TTC28: variants seen among roughly 807,000 people sequenced by gnomAD.
The protein encoded by TTC28 is tetratricopeptide repeat domain 28, also known as tetratricopeptide repeat protein 28.
A neutral mutation model predicts 198.0 loss-of-function variants in TTC28; 61 were observed. The observed-to-expected ratio is 0.31, with a 90% CI of 0.25 to 0.38. The LOEUF is 0.38. TTC28 is among the 10% of genes least tolerant of loss of function. TTC28 has a pLI of 1.00. For synonymous variants in TTC28, 1,171 were observed against 1,297.8 expected, an observed-to-expected ratio of 0.90 and a Z score of 2.10; for missense variants, 2,678 against 3,164.0, an observed-to-expected ratio of 0.85 and a Z score of 3.69.
chr22:28,223,742 T>C (rs1928063091), intron 5 of TTC28, among the ~76,000 whole-genome samples: 1 of 152,212 alleles, frequency 6.6e-6, no homozygotes. Context: ...ATTTTTCCAC[T>C]ATATCTCAAA....
intron 2 of TTC28, among the ~76,000 whole-genome samples, chr22:28,622,206 G>C (rs2051011268): frequency 6.6e-6 from 1 of 152,138 alleles, no homozygotes; most frequent in South Asian, 2.1e-4. Context: ...TGAGGAACTA[G>C]AACACTGAAG....
intron 2 of TTC28, among the ~76,000 whole-genome samples, chr22:28,555,833 T>TG (rs2062723730): frequency 6.6e-6 from 1 of 152,198 alleles, no homozygotes; most frequent in South Asian, 2.1e-4. Context: ...AAAAACCTAT[T>TG]GAAATAAATT....
At chr22:28,256,972 T>C (rs1230884426) in intron 5 of TTC28, among the ~76,000 whole-genome samples, 2 of 152,168 alleles carry the variant, frequency 1.3e-5, no homozygotes, top group African/African-American at 4.8e-5. Flanking sequence ...CTCAGGAGTT[T>C]GAGGTTACAG....
Position 28,217,824 on chromosome 22 carries a change from A to G in TTC28, c.934-54225T>C, listed in dbSNP as rs1050930183. The stretch of plus-strand genomic sequence containing the variant: ...TATTTGTTAACCCATTAGAATTACA[A>G]ATCCTTTACATGCTAATATAAATAA... On this transcript the variant is annotated intron_variant, in intron 5 of 22. Transcript: ENST00000397906. 9.9e-5 allele frequency among the ~76,000 whole-genome samples: 15 copies of G among 152,226 alleles called. 1 individual carries two copies. The highest frequency in any genetic ancestry group is 3.4e-4 in the African/African-American group (14 of 41,470).
chr22:28,226,170 G>T (rs1928327402), intron 5 of TTC28, among the ~76,000 whole-genome samples: 2 of 152,172 alleles, frequency 1.3e-5, no homozygotes, highest in East Asian at 1.9e-4. Context: ...GAGTGAAACG[G>T]TTCGGTCATA....
chr22:28,535,577 T>TA (rs2049249222), intron 2 of TTC28, among the ~76,000 whole-genome samples: 1 of 152,202 alleles, frequency 6.6e-6, no homozygotes, highest in African/African-American at 2.4e-5. Context: ...ATTCTATTGT[T>TA]AATGGGTCAT....
Position 28,094,170 on chromosome 22 carries a change from C to T in TTC28, c.3842G>A (p.Ser1281Asn). The change falls in exon 12 of 23, where the codon AGT (serine) becomes AAT (asparagine). Residue 1281 changes from serine to asparagine, a missense_variant. Transcript: ENST00000397906. ...GCCGGTTGCTGTTGGAAGGGTTACA[C>T]TGCTGCTGGCCTGGAAGTCACTTGA... Reference protein sequence around the residue: ...ENSSDFQASSSVTLPTATGSA... With the variant: ...ENSSDFQASSNVTLPTATGSA... 1 of 1,551,670 alleles carries T rather than the reference C, an allele frequency of 6.4e-7. No homozygotes were observed. Among genetic ancestry groups the T allele is most frequent in the East Asian group, 2.4e-5 (1 of 40,924 alleles).
intron 2 of TTC28, among the ~76,000 whole-genome samples, chr22:28,525,252 A>C (rs2048984833): frequency 6.6e-6 from 1 of 152,108 alleles, no homozygotes; most frequent in South Asian, 2.1e-4. Flanking sequence ...TCCCAGGTTC[A>C]ACTAATCCTC....
At chr22:28,115,161 T>C in intron 6 of TTC28, among the ~76,000 whole-genome samples, 1 of 152,140 alleles carries the variant, frequency 6.6e-6, no homozygotes, top group East Asian at 1.9e-4. Context: ...CATGCTTTTT[T>C]TATTTTTTAA....
intron 14 of TTC28, 151 bp downstream of exon 14, chr22:28,014,097 T>G: frequency 4.0e-6 from 4 of 993,364 alleles, no homozygotes; most frequent in Non-Finnish European, 5.6e-6. Context: ...AAATGCTCAC[T>G]GAGAAGCTGG....
At chr22:28,027,111 C>A (rs376033540) in intron 13 of TTC28, among the ~76,000 whole-genome samples, 1 of 152,208 alleles carries the variant, frequency 6.6e-6, no homozygotes. Flanking sequence ...CACAAACACA[C>A]ACACACAAAT....
intron 6 of TTC28, among the ~76,000 whole-genome samples, chr22:28,132,296 G>A (rs1461432623): frequency 2.0e-5 from 3 of 152,156 alleles, no homozygotes; most frequent in African/African-American, 7.2e-5. Flanking sequence ...CTTTTGATAT[G>A]GAAAGACTGA....
At chr22:28,533,846 G>A (rs577947573) in intron 2 of TTC28, among the ~76,000 whole-genome samples, 8 of 152,130 alleles carry the variant, frequency 5.3e-5, no homozygotes, top group South Asian at 4.1e-4. Context: ...CTGGGAAAAC[G>A]GACTAGCCAT....
chr22:28,014,128 G>A (rs989244332), intron 14 of TTC28, 120 bp downstream of exon 14: 2 of 1,267,248 alleles, frequency 1.6e-6, no homozygotes, highest in South Asian at 1.6e-5. Context: ...CTTGTGTTCT[G>A]GAAAGCCTCC....
At chr22:28,568,323 C>G (rs978979934) in intron 2 of TTC28, among the ~76,000 whole-genome samples, 1 of 152,040 alleles carries the variant, frequency 6.6e-6, no homozygotes, top group Non-Finnish European at 1.5e-5. Flanking sequence ...ATGGTTAATG[C>G]CCCATAAACT....
At chr22:28,093,756 T>C (rs2146856014) in intron 12 of TTC28, among the ~76,000 whole-genome samples, 1 of 152,268 alleles carries the variant, frequency 6.6e-6, no homozygotes, top group East Asian at 1.9e-4. Flanking sequence ...TAACAAAAAA[T>C]AATCTCAGTT....
intron 2 of TTC28, among the ~76,000 whole-genome samples, chr22:28,368,325 G>A (rs1270927568): frequency 6.6e-6 from 1 of 152,006 alleles, no homozygotes. Context: ...TGCTGGAAAA[G>A]CATTTGATAA....
At chr22:28,271,496 TGTA>T (rs1350171517) in intron 5 of TTC28, among the ~76,000 whole-genome samples, 1 of 152,198 alleles carries the variant, frequency 6.6e-6, no homozygotes, top group Non-Finnish European at 1.5e-5. Context: ...CATCTTGAAT[TGTA>T]GTTCCCGTAA....
chr22:28,421,214 A>C (rs1601374801), intron 2 of TTC28, among the ~76,000 whole-genome samples: 1 of 152,200 alleles, frequency 6.6e-6, no homozygotes, highest in African/African-American at 2.4e-5. Context: ...TCTAATGTAC[A>C]GTACCCAATT....
Sources: allele counts gnomAD v4.1 joint callset (sites outside exome capture counted in the v4.1 genomes callset), GRCh38; gene constraint gnomAD v4.1.1; transcripts MANE v1.5; gene names NCBI Gene and HGNC (gene_info 2026-07-23, HGNC 2026-07-21).